RASAL2: variants seen among roughly 807,000 people sequenced by gnomAD.
RASAL2 encodes the protein ras GTPase-activating protein nGAP.
In RASAL2, 58 loss-of-function variants were observed where a neutral mutation model predicts 128.9. That is an observed-to-expected ratio of 0.45 (90% confidence interval 0.36 to 0.56). The LOEUF (loss-of-function observed/expected upper bound fraction) is 0.56. Ranked by LOEUF, RASAL2 falls within the 20% of genes least tolerant of loss-of-function variation. The pLI, the probability that RASAL2 is intolerant of heterozygous loss-of-function variation, is 0.00. For missense variants in RASAL2, 1,360 were observed against 1,601.6 expected (o/e 0.85, Z 2.57); for synonymous variants, 561 against 580.8 (o/e 0.97, Z 0.49).
chr1:178,414,556 G>A (rs1246380907), intron 4 of RASAL2, among the ~76,000 whole-genome samples: 2 of 151,902 alleles, frequency 1.3e-5, no homozygotes, highest in African/African-American at 2.4e-5. Context: ...TGTGTAGAGG[G>A]AAGGGGAGGA....
chr1:178,299,731 G>A (rs184546440), intron 2 of RASAL2, among the ~76,000 whole-genome samples: 3 of 152,160 alleles, frequency 2.0e-5, no homozygotes, highest in Non-Finnish European at 4.4e-5. Context: ...TCTTGACCTC[G>A]TTATCCACCC....
Position 178,478,833 on chromosome 1 carries a change from AAACTTT to A in RASAL2, c.*5603_*5608del, listed in dbSNP as rs1275552573. 31 of 152,332 alleles carry A rather than the reference AAACTTT, an allele frequency of 2.0e-4. No homozygotes were observed. Among genetic ancestry groups the A allele is most frequent in the South Asian group, 4.1e-4 (2 of 4,828 alleles). 9.4% of individuals were successfully genotyped at this position (152,332 alleles called of 1,614,324 possible). ...TGATATTCCTACAAAGAATACAAAT[AAACTTT>A]AACTTTAAACATTTCAGACTAAAGT... is the stretch of plus-strand genomic sequence containing the variant. On this transcript the variant is annotated 3_prime_UTR_variant, in exon 18 of 18. Coordinates refer to ENST00000367649, the MANE Select transcript of RASAL2 (RefSeq NM_170692.4).
intron 3 of RASAL2, among the ~76,000 whole-genome samples, chr1:178,382,020 C>T (rs913529716): frequency 6.6e-6 from 1 of 152,052 alleles, no homozygotes; most frequent in African/African-American, 2.4e-5. Context: ...CTGAACAATG[C>T]TTTGTTGTTT....
At chr1:178,397,801 G>C (rs1673342224) in intron 4 of RASAL2, among the ~76,000 whole-genome samples, 1 of 150,430 alleles carries the variant, frequency 6.6e-6, no homozygotes, top group Non-Finnish European at 1.5e-5. Flanking sequence ...CTTTTGGAGA[G>C]ATGGGATCTT....
chr1:178,322,881 C>A (rs12075747), intron 3 of RASAL2, among the ~76,000 whole-genome samples: 6,935 of 152,150 alleles, frequency 0.046, 503 homozygotes, highest in African/African-American at 0.16. Flanking sequence ...TTTTACCCAC[C>A]ACAGGTATGT....
At chr1:178,302,871 C>T (rs976730121) in intron 3 of RASAL2, among the ~76,000 whole-genome samples, 1 of 151,828 alleles carries the variant, frequency 6.6e-6, no homozygotes, top group Non-Finnish European at 1.5e-5. Context: ...GAAACCCTGT[C>T]TCGAGTGTGG....
intron 4 of RASAL2, 146 bp from the exon 5 acceptor site, chr1:178,420,365 A>G: frequency 2.1e-6 from 1 of 484,462 alleles, no homozygotes; most frequent in East Asian, 3.3e-5. Flanking sequence ...TCAAGTGACT[A>G]TTATTTACAA....
At chr1:178,412,000 T>C in intron 4 of RASAL2, 1 of 546,756 alleles carries the variant, frequency 1.8e-6, no homozygotes, top group South Asian at 2.1e-5. Context: ...GGGGTCGCTG[T>C]GGTCACCGTC....
At position 178,312,870 on chromosome 1, in the gene RASAL2, C is replaced by T. The variant is rs529966702; in HGVS notation, c.457+12752C>T. On this transcript the variant is annotated intron_variant, in intron 3 of 17. Transcript: ENST00000367649. The stretch of plus-strand genomic sequence containing the variant: ...AAAGTAGCTCAGGACAAAGAGAACA[C>T]TTCTATAGCACTTTTTATCATATTG... Among the ~76,000 whole-genome samples, 10 of 152,292 alleles carry T rather than the reference C, an allele frequency of 6.6e-5. No homozygotes were observed. In the South Asian group the frequency reaches 2.1e-3, roughly 32 times the overall value.
intron 1 of RASAL2, among the ~76,000 whole-genome samples, chr1:178,132,223 AT>A (rs57817232): frequency 1.1e-3 from 158 of 146,316 alleles, no homozygotes; most frequent in South Asian, 6.1e-3. Context: ...AAAATTTTAA[AT>A]TTTTTTTTTT....
intron 1 of RASAL2, among the ~76,000 whole-genome samples, chr1:178,171,428 G>A (rs1317893817): frequency 1.3e-5 from 2 of 151,910 alleles, no homozygotes; most frequent in African/African-American, 2.4e-5. Context: ...TGATACTTGA[G>A]TTGCCTGTTA....
intron 4 of RASAL2, among the ~76,000 whole-genome samples, chr1:178,403,704 GA>G (rs527988370): frequency 2.0e-5 from 3 of 151,346 alleles, no homozygotes; most frequent in African/African-American, 4.9e-5. Context: ...TCTAAAATGT[GA>G]AAAAAAAGCA....
At chr1:178,169,835 C>T (rs1661646703) in intron 1 of RASAL2, among the ~76,000 whole-genome samples, 2 of 151,964 alleles carry the variant, frequency 1.3e-5, no homozygotes, top group South Asian at 4.1e-4. Flanking sequence ...TACCAAAAAG[C>T]AACTTGTAAA....
At chr1:178,456,034 T>C (rs1005986355) in intron 12 of RASAL2, among the ~76,000 whole-genome samples, 2 of 152,230 alleles carry the variant, frequency 1.3e-5, no homozygotes, top group African/African-American at 4.8e-5. Flanking sequence ...CTGTGTTTGG[T>C]CCTGGGAACC....
At chr1:178,222,795 A>G (rs1663658271) in intron 1 of RASAL2, among the ~76,000 whole-genome samples, 1 of 152,174 alleles carries the variant, frequency 6.6e-6, no homozygotes, top group African/African-American at 2.4e-5. Flanking sequence ...AGGCCAGATA[A>G]TAGTTTGTAC....
At chr1:178,447,402 G>A (rs1179676698) in intron 9 of RASAL2, among the ~76,000 whole-genome samples, 11 of 151,862 alleles carry the variant, frequency 7.2e-5, no homozygotes, top group Non-Finnish European at 1.3e-4. Flanking sequence ...GGCTGGGCGC[G>A]GTGGCTCACA....
chr1:178,469,923 GA>G (rs1434939824), intron 17 of RASAL2, among the ~76,000 whole-genome samples: 1 of 152,132 alleles, frequency 6.6e-6, no homozygotes, highest in Non-Finnish European at 1.5e-5. Flanking sequence ...ACTATATTTG[GA>G]AAACCTCTGC....
chr1:178,283,628 G>T lies in RASAL2; in HGVS notation c.267G>T (p.Thr89=), dbSNP rs368634100. The stretch of plus-strand genomic sequence containing the variant: ...AGTCACCCTACACCGAGACAACAAC[G>T]TGGGAGCGGAAGTATTGCATCCTCA... ...CGQSPYTETT[T]WERKYCILTD... is the part of the protein sequence containing the mutation. Residue 89 remains threonine, a synonymous_variant, in exon 2 of 18, where the codon ACG becomes ACT. Transcript: ENST00000367649. The T allele has an allele frequency of 5.0e-6, 8 of 1,613,682 alleles. No homozygotes were observed. Among genetic ancestry groups the T allele is most frequent in the African/African-American group, 4.0e-5 (3 of 74,826 alleles).
chr1:178,155,104 T>C (rs891493118), intron 1 of RASAL2, among the ~76,000 whole-genome samples: 1 of 152,178 alleles, frequency 6.6e-6, no homozygotes, highest in African/African-American at 2.4e-5. Flanking sequence ...ATTGCAAGCG[T>C]GAGCCACCGC....
Sources: gnomAD v4.1 joint callset for allele counts (sites outside exome capture counted in the v4.1 genomes callset) on GRCh38, gnomAD v4.1.1 for gene constraint, MANE v1.5 for transcripts, NCBI Gene and HGNC (gene_info 2026-07-23, HGNC 2026-07-21) for gene names.